The following PCTP variants were observed in gnomAD, a reference collection of about 807,000 sequenced individuals.
The protein encoded by PCTP is START domain-containing protein 2.
A neutral mutation model predicts 31.0 loss-of-function variants in PCTP; 27 were observed. That is an observed-to-expected ratio of 0.87 (90% CI 0.64 to 1.20). PCTP has a LOEUF of 1.20. PCTP is among the 50% of genes most tolerant of loss of function. The pLI, the probability that PCTP is intolerant of heterozygous loss-of-function variation, is 0.00. For synonymous variants in PCTP, 108 were observed against 101.2 expected (o/e 1.07, Z -0.40); for missense variants, 287 against 268.2 (o/e 1.07, Z -0.49).
At chr17:55,780,215 T>C (rs1911513388), downstream of PCTP, among the ~76,000 whole-genome samples, 1 of 152,190 alleles carries the variant, frequency 6.6e-6, no homozygotes, top group Admixed American at 6.5e-5. Flanking sequence ...TCTATTTATA[T>C]ATGTGTATGT....
At chr17:55,849,887 A>G in the PCTP span, among the ~76,000 whole-genome samples, 1 of 152,196 alleles carries the variant, frequency 6.6e-6, no homozygotes, top group African/African-American at 2.4e-5. Flanking sequence ...TATTCCAGGA[A>G]TACAAAGACT....
At chr17:55,782,837 T>C (rs1911608265) in intron 2 of PCTP, among the ~76,000 whole-genome samples, 2 of 152,248 alleles carry the variant, frequency 1.3e-5, no homozygotes, top group Admixed American at 6.5e-5. Context: ...TCCCTATTCC[T>C]TACCTTGTCT....
chr17:55,826,110 T>C (rs932216742), downstream of PCTP, among the ~76,000 whole-genome samples: 1 of 152,220 alleles, frequency 6.6e-6, no homozygotes, highest in Admixed American at 6.5e-5. Flanking sequence ...TTGAACCCAG[T>C]GTACCTGGTC....
chr17:55,786,822 TC>T (rs1191699053), intron 2 of PCTP, among the ~76,000 whole-genome samples: 3 of 152,300 alleles, frequency 2.0e-5, no homozygotes, highest in African/African-American at 7.2e-5. Context: ...TGGCTCCCTC[TC>T]CACCGTTTCC....
At chr17:55,803,261 T>A (rs1486900164) in intron 3 of PCTP, among the ~76,000 whole-genome samples, 3 of 152,166 alleles carry the variant, frequency 2.0e-5, no homozygotes, top group African/African-American at 7.2e-5. Context: ...GAAGAATCAA[T>A]ATTGTGAAAA....
chr17:55,784,610 A>G (rs999958033), intron 2 of PCTP, among the ~76,000 whole-genome samples: 1 of 152,220 alleles, frequency 6.6e-6, no homozygotes, highest in Non-Finnish European at 1.5e-5. Flanking sequence ...AATATTTTTC[A>G]TAATACAGGG....
Position 55,773,790 on chromosome 17 carries a change from C to T in PCTP, c.406C>T (p.Arg136Trp), listed in dbSNP as rs778064181. 40 of 1,613,704 alleles carry T rather than the reference C, an allele frequency of 2.5e-5. No homozygotes were observed. Among genetic ancestry groups the T allele is most frequent in the South Asian group, 1.4e-4 (13 of 91,062 alleles). ...EGRKIHVILA[R>W]STSMPQLGER... ...GAGGAAGATCCATGTGATCCTGGCC[C>T]GGAGCACCTCCATGCCTCAGCTTGG... Residue 136 changes from arginine (R) to tryptophan (W), a missense_variant, in exon 4 of 6, where the codon CGG becomes TGG. By Grantham distance (101) the Arg-to-Trp change is moderately radical (BLOSUM62 -3). Coordinates refer to ENST00000268896, the MANE Select transcript of PCTP (RefSeq NM_021213.4).
At chr17:55,837,469 C>T (rs948402946) in intron 5 of PCTP, among the ~76,000 whole-genome samples, 1 of 152,036 alleles carries the variant, frequency 6.6e-6, no homozygotes, top group African/African-American at 2.4e-5. Context: ...ATTTGGATGC[C>T]CTTAAAACTC....
intron 1 of PCTP, among the ~76,000 whole-genome samples, chr17:55,757,225 T>TAC (rs1295398518): frequency 2.7e-5 from 4 of 150,630 alleles, no homozygotes; most frequent in East Asian, 2.0e-4. Context: ...TGTATATATA[T>TAC]ACACATATAT....
intron 1 of PCTP, among the ~76,000 whole-genome samples, chr17:55,757,181 T>C (rs1039809042): frequency 2.6e-5 from 4 of 151,466 alleles, no homozygotes; most frequent in African/African-American, 9.7e-5. Flanking sequence ...TGCATTAGAA[T>C]ATATATACAC....
intron 5 of PCTP, among the ~76,000 whole-genome samples, chr17:55,835,580 G>A (rs1363302599): frequency 6.6e-6 from 1 of 152,180 alleles, no homozygotes; most frequent in African/African-American, 2.4e-5. Flanking sequence ...AAATATGGAG[G>A]ATTTATTAGC....
intron 3 of PCTP, among the ~76,000 whole-genome samples, chr17:55,772,912 C>T (rs1353407026): frequency 6.6e-6 from 1 of 152,146 alleles, no homozygotes; most frequent in Non-Finnish European, 1.5e-5. Context: ...GATACTCATA[C>T]CAAACTCACA....
downstream of PCTP, among the ~76,000 whole-genome samples, chr17:55,779,450 G>A (rs1055935850): frequency 6.6e-6 from 1 of 152,188 alleles, no homozygotes; most frequent in African/African-American, 2.4e-5. Context: ...AAGGAGGAAG[G>A]ACTCAGCAGG....
At position 55,777,070 on chromosome 17, in the gene PCTP, C is replaced by G; in HGVS notation, c.*970C>G. 1 of 985,814 alleles carries G rather than the reference C, an allele frequency of 1.0e-6. No homozygotes were observed. The highest frequency in any genetic ancestry group is 1.2e-6 in the Non-Finnish European group (1 of 829,928). The allele number at this position is 985,814 out of a possible 1,614,324, so 61.1% of individuals were successfully genotyped here. On this transcript the variant is annotated 3_prime_UTR_variant, in exon 6 of 6. Coordinates refer to ENST00000268896, the MANE Select transcript of PCTP (RefSeq NM_021213.4). ...TAACTGGTGGCTTAATGACTCTGCA[C>G]CTTTTTCTCAGGAATTCTGCCTAAG...
At chr17:55,845,887 G>GGGGTGTGTGTGT (rs1555572496), downstream of PCTP, among the ~76,000 whole-genome samples, 95 of 143,060 alleles carry the variant, frequency 6.6e-4, no homozygotes, top group Non-Finnish European at 8.8e-4. Flanking sequence ...AGAGGGTTGG[G>GGGGTGTGTGTGT]GTGTGTGTGT....
intron 3 of PCTP, among the ~76,000 whole-genome samples, chr17:55,794,418 T>C (rs1912113625): frequency 6.6e-6 from 1 of 152,028 alleles, no homozygotes; most frequent in African/African-American, 2.4e-5. Flanking sequence ...TTCTAAAATT[T>C]GTTTAACCCG....
chr17:55,808,239 C>T (rs1216163788), intron 3 of PCTP, among the ~76,000 whole-genome samples: 1 of 152,162 alleles, frequency 6.6e-6, no homozygotes, highest in Non-Finnish European at 1.5e-5. Context: ...TATGAATTGC[C>T]AAATGCAATG....
intron 1 of PCTP, among the ~76,000 whole-genome samples, chr17:55,759,357 A>C (rs1429424485): frequency 6.6e-6 from 1 of 152,210 alleles, no homozygotes; most frequent in Non-Finnish European, 1.5e-5. Flanking sequence ...TGCAACCCTG[A>C]AGGATTAGAC....
chr17:55,772,086 T>A (rs898124945), intron 3 of PCTP, among the ~76,000 whole-genome samples: 1 of 152,232 alleles, frequency 6.6e-6, no homozygotes, highest in Admixed American at 6.5e-5. Context: ...TATCAGATGA[T>A]ATCTATCACA....
Sources: allele counts gnomAD v4.1 joint callset (sites outside exome capture counted in the v4.1 genomes callset), GRCh38; gene constraint gnomAD v4.1.1; transcripts MANE v1.5; gene names NCBI Gene and HGNC (gene_info 2026-07-23, HGNC 2026-07-21).